The following DSCAM variants were observed in gnomAD, a reference collection of about 807,000 sequenced individuals.
DSCAM encodes cell adhesion molecule DSCAM.
A neutral mutation model predicts 217.7 loss-of-function variants in DSCAM; 47 were observed. That is an observed-to-expected ratio of 0.22 (90% confidence interval 0.17 to 0.28). The LOEUF (loss-of-function observed/expected upper bound fraction) is 0.28. Ranked by LOEUF, DSCAM falls within the 10% of genes least tolerant of loss-of-function variation. The pLI is 1.00. For synonymous variants in DSCAM, 1,056 were observed against 1,015.3 expected, an observed-to-expected ratio of 1.04 and a Z score of -0.76; for missense variants, 2,080 against 2,618.3, an observed-to-expected ratio of 0.79 and a Z score of 4.49.
intron 3 of DSCAM, among the ~76,000 whole-genome samples, chr21:40,458,035 A>T (rs1250084950): frequency 6.6e-6 from 1 of 152,238 alleles, no homozygotes; most frequent in African/African-American, 2.4e-5. Context: ...AGTGAAACCT[A>T]CAAGAATTTT....
chr21:40,153,570 A>G (rs1214358883), intron 16 of DSCAM, among the ~76,000 whole-genome samples: 8 of 152,124 alleles, frequency 5.3e-5, no homozygotes, highest in Non-Finnish European at 1.2e-4. Context: ...GCACAGATGA[A>G]GCTAGGGACA....
rs554775343 is a variant in DSCAM at position 40,196,517 on chromosome 21, A to ACAAC, written c.2357-7283_2357-7280dup. 1.4e-4 allele frequency among the ~76,000 whole-genome samples: 21 copies of ACAAC among 152,242 alleles called. No homozygotes were observed. The East Asian group carries it at 3.9e-3, about 28-fold the overall frequency. On this transcript the variant is annotated intron_variant, in intron 11 of 32. Transcript: ENST00000400454. ...CCTAAAATATACAGCCTGGATTGAA[A>ACAAC]CAACTCAATCCGATGATCCCCAAGG...
At chr21:40,694,030 G>A (rs780378861) in intron 2 of DSCAM, among the ~76,000 whole-genome samples, 2 of 152,140 alleles carry the variant, frequency 1.3e-5, no homozygotes, top group African/African-American at 2.4e-5. Flanking sequence ...ATCAGTTAAC[G>A]TAGGTGAAAA....
intron 1 of DSCAM, among the ~76,000 whole-genome samples, chr21:40,793,858 A>C (rs2123473715): frequency 6.6e-6 from 1 of 152,296 alleles, no homozygotes; most frequent in South Asian, 2.1e-4. Context: ...TGGCTTAGAC[A>C]AAAAATCATG....
intron 3 of DSCAM, among the ~76,000 whole-genome samples, chr21:40,382,695 T>C (rs1037051610): frequency 6.6e-6 from 1 of 152,220 alleles, no homozygotes; most frequent in Non-Finnish European, 1.5e-5. Flanking sequence ...CCTTTTGGTT[T>C]CAAATAGTCT....
At chr21:40,173,376 T>C (rs774631433) in intron 15 of DSCAM, among the ~76,000 whole-genome samples, 5 of 152,136 alleles carry the variant, frequency 3.3e-5, no homozygotes, top group Non-Finnish European at 7.4e-5. Flanking sequence ...TTCCAGAACC[T>C]TTCAGGATAG....
At chr21:40,550,383 G>A (rs1231327627) in intron 3 of DSCAM, among the ~76,000 whole-genome samples, 1 of 152,146 alleles carries the variant, frequency 6.6e-6, no homozygotes, top group Non-Finnish European at 1.5e-5. Flanking sequence ...AAATTACTCA[G>A]GCATGGTGGC....
chr21:40,494,805 T>G lies in DSCAM; in HGVS notation c.509-125560A>C, dbSNP rs143247485. On this transcript the variant is annotated intron_variant, in intron 3 of 32. Coordinates refer to ENST00000400454, the MANE Select transcript of DSCAM (RefSeq NM_001389.5). Reference sequence around the variant, plus strand: ...AGAACTAGAAAAACAATAGAAAAGATCAACAAAACTAAAGTTGGGTTTTTT... The same window carrying G: ...AGAACTAGAAAAACAATAGAAAAGAGCAACAAAACTAAAGTTGGGTTTTTT... Among the ~76,000 whole-genome samples, 46 of 128,634 alleles carry G rather than the reference T, an allele frequency of 3.6e-4. No individual in the cohort carries two copies. The Middle Eastern group carries it at 0.022, about 61-fold the overall frequency. The allele number at this position is 128,634 out of a possible 152,430, so 84.4% of individuals were successfully genotyped here. A position where few individuals can be genotyped will look rare whatever the true frequency, so the allele number is the denominator to read the frequency against.
At chr21:40,073,168 G>A (rs951927559) in intron 27 of DSCAM, among the ~76,000 whole-genome samples, 4 of 152,176 alleles carry the variant, frequency 2.6e-5, no homozygotes, top group African/African-American at 7.2e-5. Flanking sequence ...GCTCAAGTTC[G>A]AAGGTGAGTA....
chr21:40,303,403 C>T (rs1472237403), intron 9 of DSCAM, among the ~76,000 whole-genome samples: 1 of 152,100 alleles, frequency 6.6e-6, no homozygotes, highest in Non-Finnish European at 1.5e-5. Context: ...GCCTTCACTT[C>T]AGTCAAGTCT....
intron 11 of DSCAM, among the ~76,000 whole-genome samples, chr21:40,223,406 T>G (rs1322380053): frequency 6.6e-6 from 1 of 152,218 alleles, no homozygotes; most frequent in South Asian, 2.1e-4. Flanking sequence ...AATGCCATTT[T>G]CAGCTCTTAA....
rs531923607 is a variant in DSCAM, at chr21:40,489,632, G to A, written c.509-120387C>T. Among the ~76,000 whole-genome samples the A allele has an allele frequency of 1.2e-3, 186 of 150,440 alleles. 1 individual carries two copies. Among genetic ancestry groups the A allele is most frequent in the African/African-American group, 3.6e-3 (146 of 41,016 alleles). On this transcript the variant is annotated intron_variant, in intron 3 of 32. Transcript: ENST00000400454. ...TACTAAAAATACAAAAAAATTAGCC[G>A]GGCGTAGTGGCAGGCGCCTGTAGTC...
At chr21:40,307,939 G>A in intron 9 of DSCAM, among the ~76,000 whole-genome samples, 1 of 130,608 alleles carries the variant, frequency 7.7e-6, no homozygotes, top group South Asian at 3.1e-4. Flanking sequence ...GTTGTGGGAT[G>A]AGGGGAGGGG....
chr21:40,810,772 G>A (rs1199953476), intron 1 of DSCAM, among the ~76,000 whole-genome samples: 1 of 152,128 alleles, frequency 6.6e-6, no homozygotes, highest in East Asian at 1.9e-4. Context: ...AGACATGGTG[G>A]TGTGTGACTG....
intron 3 of DSCAM, among the ~76,000 whole-genome samples, chr21:40,537,473 A>G (rs1184062118): frequency 6.6e-6 from 1 of 152,172 alleles, no homozygotes. Flanking sequence ...GCTACCTTTT[A>G]TAGGAATTAT....
At chr21:40,214,441 G>C (rs1485943270) in intron 11 of DSCAM, among the ~76,000 whole-genome samples, 3 of 152,138 alleles carry the variant, frequency 2.0e-5, no homozygotes, top group Non-Finnish European at 4.4e-5. Context: ...GTTTTTCCAA[G>C]ATGATGGAAT....
chr21:40,059,295 C>T (rs1021788928), intron 28 of DSCAM, among the ~76,000 whole-genome samples: 1 of 152,118 alleles, frequency 6.6e-6, no homozygotes, highest in Non-Finnish European at 1.5e-5. Flanking sequence ...TATATGTTAG[C>T]TCTCTACAGT....
At chr21:40,803,436 T>A (rs2091759528) in intron 1 of DSCAM, among the ~76,000 whole-genome samples, 1 of 152,096 alleles carries the variant, frequency 6.6e-6, no homozygotes, top group Non-Finnish European at 1.5e-5. Context: ...TGACTCAAAT[T>A]CTGTTAAAGC....
intron 3 of DSCAM, among the ~76,000 whole-genome samples, chr21:40,608,099 C>A (rs1318633652): frequency 6.6e-6 from 1 of 152,170 alleles, no homozygotes; most frequent in Non-Finnish European, 1.5e-5. Context: ...CTCTAAAGAG[C>A]ACCATAAATG....
Sources: gnomAD v4.1 joint callset for allele counts (sites outside exome capture counted in the v4.1 genomes callset) on GRCh38, gnomAD v4.1.1 for gene constraint, MANE v1.5 for transcripts, NCBI Gene and HGNC (gene_info 2026-07-23, HGNC 2026-07-21) for gene names.